The following TMCO5A variants were observed in gnomAD, a reference collection of about 807,000 sequenced individuals.
TMCO5A encodes transmembrane and coiled-coil domains 5A, also known as transmembrane and coiled-coil domain-containing protein 5A.
A neutral mutation model predicts 42.3 loss-of-function variants in TMCO5A; 34 were observed. The ratio of observed to expected loss-of-function variants is 0.80; its 90% CI spans 0.61 to 1.07. TMCO5A has a LOEUF of 1.07. Among genes scored for constraint, TMCO5A ranks in the 50% least tolerant of loss-of-function variants. The pLI is 0.00. For synonymous variants in TMCO5A, 131 were observed against 115.6 expected, an observed-to-expected ratio of 1.13 and a Z score of -0.86; for missense variants, 357 against 327.9, an observed-to-expected ratio of 1.09 and a Z score of -0.69.
At chr15:37,936,226 T>C (rs976550351) in intron 2 of TMCO5A, 88 bp from the exon 3 acceptor site, 1 of 1,444,388 alleles carries the variant, frequency 6.9e-7, no homozygotes, top group Non-Finnish European at 9.3e-7. Context: ...GTTAATAAAC[T>C]AGATGTGTTC....
chr15:38,020,837 T>C, the TMCO5A span, among the ~76,000 whole-genome samples: 2 of 152,154 alleles, frequency 1.3e-5, no homozygotes, highest in South Asian at 4.1e-4. Flanking sequence ...ATAATCATAG[T>C]ATTGCTTTTT....
chr15:37,942,216 T>C lies in TMCO5A; in HGVS notation c.530T>C (p.Ile177Thr), dbSNP rs755781014. 2 of 1,612,890 alleles carry C rather than the reference T, an allele frequency of 1.2e-6. No individual in the cohort carries two copies. The highest frequency in any genetic ancestry group is 1.7e-6 in the Non-Finnish European group (2 of 1,179,264). ...IKKYQETLKK[I>T]EEELEALFLE... ...AAGTACCAGGAAACGTTGAAGAAAA[T>C]AGAAGAAGAACTAGAGGCTCTGTTC... The change falls in exon 9 of 12, where the codon ATA (isoleucine) becomes ACA (threonine). Residue 177 changes from isoleucine (I) to threonine (T), a missense_variant. Transcript: ENST00000319669.
At chr15:37,999,933 T>C in the TMCO5A span, among the ~76,000 whole-genome samples, 2 of 152,202 alleles carry the variant, frequency 1.3e-5, no homozygotes, top group African/African-American at 4.8e-5. Flanking sequence ...TGCTAGTATT[T>C]TGTTGAGGAT....
downstream of TMCO5A, among the ~76,000 whole-genome samples, chr15:37,952,601 C>A (rs1890187594): frequency 6.6e-6 from 1 of 152,170 alleles, no homozygotes; most frequent in South Asian, 2.1e-4. Context: ...TTAGGTGAGA[C>A]CCTGAGAATT....
rs1189510587 is a variant in TMCO5A, at chr15:37,965,466, G to A, written c.669-1159G>A. Among the ~76,000 whole-genome samples, 3 of 152,074 alleles carry A rather than the reference G, an allele frequency of 2.0e-5. No homozygotes were observed. In the East Asian group the frequency reaches 5.8e-4, roughly 29 times the overall value. ...CAAATGAAACAATCAACAAAGTGAA[G>A]AGACACTTCACAGAATAGGGGAAAA... On this transcript the variant is annotated intron_variant, in intron 11 of 11. Coordinates refer to the TMCO5A transcript ENST00000559502.
At chr15:37,963,158 C>T (rs180842543) in intron 11 of TMCO5A, among the ~76,000 whole-genome samples, 278 of 152,128 alleles carry the variant, frequency 1.8e-3, no homozygotes, top group Non-Finnish European at 2.6e-3. Context: ...TCAGCTTGTG[C>T]TCTTTCAGTC....
downstream of TMCO5A, among the ~76,000 whole-genome samples, chr15:37,969,312 T>A (rs1375274602): frequency 1.3e-5 from 2 of 152,182 alleles, no homozygotes; most frequent in Non-Finnish European, 1.5e-5. Context: ...TCCCCAAAAA[T>A]GAGCAACTTA....
chr15:38,034,848 G>T, the TMCO5A span, among the ~76,000 whole-genome samples: 1 of 152,120 alleles, frequency 6.6e-6, no homozygotes, highest in African/African-American at 2.4e-5. Flanking sequence ...TCTCCTCTGG[G>T]TGTGACCCTC....
At chr15:38,038,860 T>C in the TMCO5A span, among the ~76,000 whole-genome samples, 5 of 152,234 alleles carry the variant, frequency 3.3e-5, no homozygotes, top group Admixed American at 2.0e-4. Context: ...CTGTATGTTA[T>C]AAGCAGCACG....
Position 37,957,747 on chromosome 15 carries a change from T to C in TMCO5A, c.669-8878T>C, listed in dbSNP as rs1416474387. Among the ~76,000 whole-genome samples, 3 of 151,970 alleles carry C rather than the reference T, an allele frequency of 2.0e-5. No homozygotes were observed. The East Asian group carries it at 5.8e-4, about 29-fold the overall frequency. ...AAGAATCAGAAAAAACTACTTTAAA[T>C]TTCATATGGAACCAAAAAAGAGCCC... On this transcript the variant is annotated intron_variant, in intron 11 of 11. Transcript: ENST00000559502.
intron 11 of TMCO5A, among the ~76,000 whole-genome samples, chr15:37,963,362 G>A (rs372582817): frequency 1.5e-4 from 23 of 152,118 alleles, no homozygotes; most frequent in African/African-American, 5.6e-4. Context: ...GCATGGTTTT[G>A]AAGGTTCCTT....
chr15:37,984,712 C>CTTTTTTTTTTTTTTT, the TMCO5A span: 1 of 43,042 alleles, frequency 2.3e-5, no homozygotes, highest in African/African-American at 8.6e-5. Flanking sequence ...TTTTTTTTTG[C>CTTTTTTTTTTTTTTT]CTTTCCACTC....
chr15:38,010,425 T>TCTCACACACACA, the TMCO5A span, among the ~76,000 whole-genome samples: 4,148 of 117,392 alleles, frequency 0.035, 106 homozygotes, highest in Non-Finnish European at 0.05. Flanking sequence ...CAGAGGGAGA[T>TCTCACACACACA]CACACACACA....
rs181891599 is a variant in TMCO5A, at chr15:37,966,535, C to T, written c.669-90C>T. 56 of 700,244 alleles carry T rather than the reference C, an allele frequency of 8.0e-5. 1 individual carries two copies. In the African/African-American group the frequency reaches 8.2e-4, roughly 10 times the overall value. 43.4% of individuals were successfully genotyped at this position (700,244 alleles called of 1,614,324 possible). ...TGTACCCACAAAATTTTTTTCAGTGCGTGAATAGACTTGGGGCTTTAGGCA... is the reference window on the plus strand; with the variant it reads ...TGTACCCACAAAATTTTTTTCAGTGTGTGAATAGACTTGGGGCTTTAGGCA... On this transcript the variant is annotated intron_variant, in intron 11 of 11. Transcript: ENST00000559502.
chr15:37,954,122 A>C (rs1040927099), downstream of TMCO5A, among the ~76,000 whole-genome samples: 1 of 152,174 alleles, frequency 6.6e-6, no homozygotes, highest in Non-Finnish European at 1.5e-5. Flanking sequence ...AAGGGGAGAT[A>C]AACAGATAGG....
chr15:37,936,466 GAGT>G lies in TMCO5A; in HGVS notation c.140+5_140+7del. ...GAGAGGGAAGATAAGATTCAGAGGTGAGTATTAAGGTTTCATGAGGGAAGTTCC... is the reference window on the plus strand; with the variant it reads ...GAGAGGGAAGATAAGATTCAGAGGTGATTAAGGTTTCATGAGGGAAGTTCC... On this transcript the variant is annotated splice_donor_5th_base_variant and intron_variant, in intron 3 of 11. Transcript: ENST00000319669. The G allele has an allele frequency of 6.2e-7, 1 of 1,607,804 alleles. No individual in the cohort carries two copies.
the TMCO5A span, among the ~76,000 whole-genome samples, chr15:38,018,441 C>A: frequency 6.6e-6 from 1 of 151,938 alleles, no homozygotes; most frequent in African/African-American, 2.4e-5. Flanking sequence ...CAAGTGCACT[C>A]TAGAAATTAA....
the TMCO5A span, among the ~76,000 whole-genome samples, chr15:38,020,838 A>G: frequency 1.3e-5 from 2 of 152,166 alleles, no homozygotes; most frequent in South Asian, 2.1e-4. Flanking sequence ...TAATCATAGT[A>G]TTGCTTTTTG....
At chr15:38,021,279 T>C in the TMCO5A span, among the ~76,000 whole-genome samples, 1 of 152,206 alleles carries the variant, frequency 6.6e-6, no homozygotes, top group Admixed American at 6.5e-5. Context: ...TAAGGTAGGC[T>C]AAACCACTAT....
Sources: allele counts gnomAD v4.1 joint callset (sites outside exome capture counted in the v4.1 genomes callset), GRCh38; gene constraint gnomAD v4.1.1; transcripts MANE v1.5; gene names NCBI Gene and HGNC (gene_info 2026-07-23, HGNC 2026-07-21).